Variants in GSE1 observed in about 807,000 individuals in gnomAD.
GSE1 encodes the protein Gse1 coiled-coil protein.
A neutral mutation model predicts 112.6 loss-of-function variants in GSE1; 32 were observed. The ratio of observed to expected loss-of-function variants is 0.28; its 90% CI spans 0.21 to 0.38. GSE1 has a LOEUF of 0.38. Ranked by LOEUF, GSE1 falls within the 10% of genes least tolerant of loss-of-function variation. The pLI is 1.00. For synonymous variants in GSE1, 1,115 were observed against 735.6 expected (o/e 1.52, Z -8.35); for missense variants, 2,348 against 1,699.2 (o/e 1.38, Z -6.71).
intron 2 of GSE1, among the ~76,000 whole-genome samples, chr16:85,363,225 C>G (rs1461349130): frequency 1.3e-5 from 2 of 152,244 alleles, no homozygotes; most frequent in African/African-American, 2.4e-5. Flanking sequence ...AAGATTGACT[C>G]TCTGCTTATG....
rs2053651253 is a variant in GSE1 at position 85,675,927 on chromosome 16, G to T, written c.*3388G>T. On this transcript the variant is annotated 3_prime_UTR_variant, in exon 16 of 16. Coordinates refer to ENST00000253458, the MANE Select transcript of GSE1 (RefSeq NM_014615.5). ...CTAAAAAACTCCTTAACTCTGCCTT[G>T]ACCTGAGGAAGACCATGCTAACTGG... is the stretch of plus-strand genomic sequence containing the variant. 1 of 152,548 alleles carries T rather than the reference G, an allele frequency of 6.6e-6. No individual in the cohort carries two copies. Among genetic ancestry groups the T allele is most frequent in the Non-Finnish European group, 1.5e-5 (1 of 68,032 alleles). 9.4% of individuals were successfully genotyped at this position (152,548 alleles called of 1,614,324 possible).
intron 1 of GSE1, among the ~76,000 whole-genome samples, chr16:85,356,246 G>T (rs1445062578): frequency 6.6e-6 from 1 of 152,200 alleles, no homozygotes; most frequent in South Asian, 2.1e-4. Context: ...GTTCTTGCTC[G>T]CCTCGGGACC....
upstream of GSE1, among the ~76,000 whole-genome samples, chr16:85,552,039 T>C (rs1027983534): frequency 1.3e-5 from 2 of 151,946 alleles, no homozygotes; most frequent in African/African-American, 4.8e-5. Flanking sequence ...TTTTTTTTTT[T>C]CTTTGAGACG....
rs187033431 is a variant in GSE1, at chr16:85,319,346, C to T, written c.2284-38117C>T. 4.9e-4 allele frequency among the ~76,000 whole-genome samples: 74 copies of T among 152,280 alleles called. No homozygotes were observed. The East Asian group carries it at 0.013, about 27-fold the overall frequency. ...TAATGGAAGCCTCTGGATCGAGTCC[C>T]GTCGTAACCAGGCTGCAGTGAGCCG... On this transcript the variant is annotated intron_variant, in intron 1 of 2. Coordinates refer to the GSE1 transcript ENST00000637419.
At chr16:85,196,408 C>T (rs946708054) in intron 1 of GSE1, among the ~76,000 whole-genome samples, 1 of 152,020 alleles carries the variant, frequency 6.6e-6, no homozygotes, top group Non-Finnish European at 1.5e-5. Context: ...GAGGAGAGAG[C>T]AGGGAAGGGA....
intron 15 of GSE1, chr16:85,672,190 T>C (rs2053402348): frequency 1.8e-6 from 1 of 561,592 alleles, no homozygotes; most frequent in Non-Finnish European, 3.3e-6. Context: ...AGATGGGGTT[T>C]CCCCATGTTG....
intron 1 of GSE1, among the ~76,000 whole-genome samples, chr16:85,349,660 G>C (rs990416561): frequency 3.3e-5 from 5 of 152,150 alleles, no homozygotes; most frequent in Non-Finnish European, 2.9e-5. Context: ...CCTACACTTG[G>C]CTTCGTGCCT....
intron 1 of GSE1, among the ~76,000 whole-genome samples, chr16:85,193,955 TTG>T (rs368291606): frequency 1.3e-5 from 2 of 151,812 alleles, no homozygotes; most frequent in Non-Finnish European, 2.9e-5. Flanking sequence ...GTACATGCAC[TTG>T]TGTGTGTGTG....
intron 1 of GSE1, among the ~76,000 whole-genome samples, chr16:85,182,070 G>A (rs1231004695): frequency 2.0e-5 from 3 of 152,188 alleles, no homozygotes; most frequent in African/African-American, 7.2e-5. Context: ...CTGCTTCCAG[G>A]CTGCGCGGCA....
intron 2 of GSE1, among the ~76,000 whole-genome samples, chr16:85,493,266 A>G (rs2051066781): frequency 6.6e-6 from 1 of 152,152 alleles, no homozygotes; most frequent in African/African-American, 2.4e-5. Flanking sequence ...CCTGAGTGAC[A>G]TAGTGAGACC....
At chr16:85,434,374 G>T (rs556148342) in intron 2 of GSE1, among the ~76,000 whole-genome samples, 1 of 151,338 alleles carries the variant, frequency 6.6e-6, no homozygotes, top group Non-Finnish European at 1.5e-5. Flanking sequence ...CTGTATACCC[G>T]GTGTCAGCGC....
Position 85,419,208 on chromosome 16 carries a change from A to G in GSE1, c.2464+61565A>G, listed in dbSNP as rs978058083. ...AGTCAGAGGCTGCCTTAGTCTCTGC[A>G]GGGACAGCAGTGAGGGTGCCCGGGC... On this transcript the variant is annotated intron_variant, in intron 2 of 2. Transcript: ENST00000637419. This position sits in a 1 kb window ranked among gnomAD's most constrained non-coding sequence, Gnocchi z 6.5. 2.0e-5 allele frequency among the ~76,000 whole-genome samples: 3 copies of G among 152,202 alleles called. No individual in the cohort carries two copies. Among genetic ancestry groups the G allele is most frequent in the East Asian group, 1.9e-4 (1 of 5,194 alleles).
rs1273805523 is a variant in GSE1, at chr16:85,675,507, G to A, written c.*2968G>A. ...TTAAAGGAATAAAGCACTGAATTGG[G>A]ACTAACATTCTGATAGGTTGCACCC... On this transcript the variant is annotated 3_prime_UTR_variant, in exon 16 of 16. Coordinates refer to ENST00000253458, the MANE Select transcript of GSE1 (RefSeq NM_014615.5). 1 of 152,132 alleles carries A rather than the reference G, an allele frequency of 6.6e-6. No individual in the cohort carries two copies. The highest frequency in any genetic ancestry group is 1.5e-5 in the Non-Finnish European group (1 of 68,016). The allele number at this position is 152,132 out of a possible 1,614,324, so 9.4% of individuals were successfully genotyped here.
intron 2 of GSE1, among the ~76,000 whole-genome samples, chr16:85,513,317 C>T (rs1253545727): frequency 1.3e-5 from 2 of 152,166 alleles, no homozygotes; most frequent in East Asian, 3.9e-4. Flanking sequence ...CTGGTTCCTC[C>T]TCTCCCAGCT....
chr16:85,535,051 G>A lies in GSE1; in HGVS notation c.2465-98863G>A, dbSNP rs538543932. The stretch of plus-strand genomic sequence containing the variant: ...TGTGCGGGACTGTCTCACATACACA[G>A]AGATGGTCTGAGCAGGGGACCCAGG... On this transcript the variant is annotated intron_variant, in intron 2 of 2. Coordinates refer to the GSE1 transcript ENST00000637419. Among the ~76,000 whole-genome samples the A allele has an allele frequency of 2.6e-5, 4 of 152,320 alleles. No individual in the cohort carries two copies. In the South Asian group the frequency reaches 8.3e-4, roughly 32 times the overall value.
intron 1 of GSE1, among the ~76,000 whole-genome samples, chr16:85,219,303 C>T (rs1372404706): frequency 4.6e-5 from 7 of 152,226 alleles, no homozygotes; most frequent in East Asian, 3.8e-4. Flanking sequence ...CGTGAGCCAC[C>T]GTGCCCGGCC....
intron 2 of GSE1, among the ~76,000 whole-genome samples, chr16:85,476,888 C>T (rs1222965920): frequency 1.3e-5 from 2 of 149,746 alleles, no homozygotes; most frequent in Non-Finnish European, 3.0e-5. Flanking sequence ...GTCGAGGCTA[C>T]AGGTGTGAGC....
intron 2 of GSE1, among the ~76,000 whole-genome samples, chr16:85,360,615 C>T (rs2047047335): frequency 4.6e-5 from 7 of 152,094 alleles, no homozygotes; most frequent in Admixed American, 3.3e-4. Flanking sequence ...CTGTGCACTG[C>T]CAGCTGGGCG....
At chr16:85,639,971 A>G (rs375539832) in intron 2 of GSE1, among the ~76,000 whole-genome samples, 14 of 152,182 alleles carry the variant, frequency 9.2e-5, no homozygotes, top group African/African-American at 3.4e-4. Context: ...TCCCTGGGAA[A>G]CAGTTGGGGG....
Sources: gnomAD v4.1 joint callset for allele counts (sites outside exome capture counted in the v4.1 genomes callset) on GRCh38, gnomAD v4.1.1 for gene constraint, Gnocchi (gnomAD v3.1) non-coding constraint, MANE v1.5 for transcripts, NCBI Gene and HGNC (gene_info 2026-07-23, HGNC 2026-07-21) for gene names.